The following PREX2 variants were observed in gnomAD, a reference collection of about 807,000 sequenced individuals.
PREX2 encodes phosphatidylinositol 3,4,5-trisphosphate-dependent Rac exchanger 2 protein.
PREX2 carries 107 observed loss-of-function variants against 203.2 expected under a neutral mutation model. That is an observed-to-expected ratio of 0.53 (90% CI 0.45 to 0.62). The LOEUF is 0.62. PREX2 is among the 20% of genes least tolerant of loss of function. The pLI, the probability that PREX2 is intolerant of heterozygous loss-of-function variation, is 0.00. For missense variants in PREX2, 1,777 were observed against 1,955.9 expected (o/e 0.91, Z 1.72); for synonymous variants, 672 against 663.6 (o/e 1.01, Z -0.19).
chr8:67,960,385 C>T lies in PREX2; in HGVS notation c.141+7850C>T, dbSNP rs1805603306. 2.0e-5 allele frequency among the ~76,000 whole-genome samples: 3 copies of T among 152,106 alleles called. No homozygotes were observed. The South Asian group carries it at 6.2e-4, about 32-fold the overall frequency. On this transcript the variant is annotated intron_variant, in intron 1 of 39. Transcript: ENST00000288368. ...CCCTCCATAAACTCCAAGCTTATCT[C>T]CCTCTCCTCTGTCTTGTCTATCCAC... is the stretch of plus-strand genomic sequence containing the variant.
At chr8:68,031,175 T>C (rs1166308338) in intron 6 of PREX2, among the ~76,000 whole-genome samples, 1 of 152,174 alleles carries the variant, frequency 6.6e-6, no homozygotes, top group African/African-American at 2.4e-5. Context: ...ACTAAGGAAA[T>C]TTTTTTATGC....
chr8:68,042,677 A>G (rs1356494948), intron 7 of PREX2, among the ~76,000 whole-genome samples: 1 of 152,102 alleles, frequency 6.6e-6, no homozygotes, highest in African/African-American at 2.4e-5. Context: ...AATACATTTA[A>G]ATTTGCAATA....
intron 1 of PREX2, among the ~76,000 whole-genome samples, chr8:68,002,383 C>A (rs1011682657): frequency 4.6e-5 from 7 of 152,042 alleles, no homozygotes; most frequent in African/African-American, 1.7e-4. Context: ...CTGACCTCAA[C>A]TGATACTCCT....
intron 38 of PREX2, chr8:68,220,490 C>G (rs182262181): frequency 1.3e-5 from 2 of 152,192 alleles, no homozygotes; most frequent in African/African-American, 4.8e-5. Context: ...GTACCCTGAC[C>G]CCTTACCTTC....
At chr8:67,953,854 T>C (rs1031186125) in intron 1 of PREX2, among the ~76,000 whole-genome samples, 15 of 152,176 alleles carry the variant, frequency 9.9e-5, no homozygotes, top group African/African-American at 3.4e-4. Flanking sequence ...GTAACAAAGA[T>C]TGTCAAAAAA....
chr8:68,114,695 A>G (rs1163851891), intron 25 of PREX2, among the ~76,000 whole-genome samples: 1 of 152,158 alleles, frequency 6.6e-6, no homozygotes, highest in Non-Finnish European at 1.5e-5. Flanking sequence ...CTGTGGGCAG[A>G]TTTGGGACAT....
At chr8:68,162,083 A>C (rs1027158803) in intron 35 of PREX2, among the ~76,000 whole-genome samples, 7 of 152,158 alleles carry the variant, frequency 4.6e-5, no homozygotes, top group African/African-American at 1.7e-4. Context: ...ACTCACCCCC[A>C]TAATTCAATT....
chr8:68,133,130 G>C (rs1811040629), intron 31 of PREX2, among the ~76,000 whole-genome samples: 1 of 152,152 alleles, frequency 6.6e-6, no homozygotes, highest in South Asian at 2.1e-4. Flanking sequence ...TGTCTTACAT[G>C]GCGGCAGGCA....
chr8:68,190,950 A>C (rs1812281128), intron 35 of PREX2, among the ~76,000 whole-genome samples: 1 of 152,128 alleles, frequency 6.6e-6, no homozygotes, highest in Non-Finnish European at 1.5e-5. Context: ...TAATTATTGC[A>C]GGCCACTAGG....
intron 35 of PREX2, 134 bp from the exon 36 acceptor site, chr8:68,191,588 C>G: frequency 1.6e-6 from 1 of 625,710 alleles, no homozygotes; most frequent in South Asian, 2.3e-5. Flanking sequence ...TTTGTGCAAC[C>G]CCAACCTTCT....
intron 37 of PREX2, among the ~76,000 whole-genome samples, chr8:68,217,401 A>T (rs10089475): frequency 0.2 from 29,762 of 152,172 alleles, 6,456 homozygotes; most frequent in African/African-American, 0.52. Context: ...TCATCATGGG[A>T]TTGTTTTAAA....
rs375327044 is a variant in PREX2, at chr8:68,119,470, A to G, written c.3460A>G (p.Lys1154Glu). The change falls in exon 28 of 40, where the codon AAA (lysine) becomes GAA (glutamate). Residue 1154 changes from lysine to glutamate, a missense_variant. Lys to Glu is a moderately conservative substitution (Grantham distance 56). Coordinates refer to ENST00000288368, the MANE Select transcript of PREX2 (RefSeq NM_024870.4). Reference sequence around the variant, plus strand: ...CTTAAGTGTTCGCATATCTCATGATAAACAGGACAAGATACATAGTTGCCT... The same window carrying G: ...CTTAAGTGTTCGCATATCTCATGATGAACAGGACAAGATACATAGTTGCCT... ...LPLSVRISHD[K>E]QDKIHSCLEH... 53 of 1,613,722 alleles carry G rather than the reference A, an allele frequency of 3.3e-5. No individual in the cohort carries two copies. The highest frequency in any genetic ancestry group is 4.5e-5 in the Non-Finnish European group (53 of 1,179,790).
At chr8:67,969,483 A>G (rs1805864111) in intron 1 of PREX2, among the ~76,000 whole-genome samples, 1 of 152,094 alleles carries the variant, frequency 6.6e-6, no homozygotes, top group African/African-American at 2.4e-5. Flanking sequence ...GGGATGGACC[A>G]TCCCATAATA....
At chr8:67,956,716 A>G (rs959154354) in intron 1 of PREX2, among the ~76,000 whole-genome samples, 2 of 152,224 alleles carry the variant, frequency 1.3e-5, no homozygotes, top group African/African-American at 4.8e-5. Flanking sequence ...AGGGAGTGCT[A>G]TTAATAATGA....
intron 3 of PREX2, among the ~76,000 whole-genome samples, chr8:68,021,500 A>G (rs530317097): frequency 1.3e-5 from 2 of 152,284 alleles, no homozygotes; most frequent in African/African-American, 4.8e-5. Context: ...CTTAAGCACA[A>G]CTGTCTAGAC....
chr8:67,962,989 T>G (rs1256537202), intron 1 of PREX2, among the ~76,000 whole-genome samples: 2 of 152,158 alleles, frequency 1.3e-5, no homozygotes, highest in Non-Finnish European at 2.9e-5. Context: ...TTGTACCACT[T>G]CATAATGAAA....
At chr8:67,979,471 A>C (rs900549236) in intron 1 of PREX2, among the ~76,000 whole-genome samples, 3 of 152,230 alleles carry the variant, frequency 2.0e-5, no homozygotes, top group Non-Finnish European at 4.4e-5. Flanking sequence ...TTTCAATCCC[A>C]GCACACTTAC....
At chr8:68,130,748 A>G (rs1315729270) in intron 31 of PREX2, among the ~76,000 whole-genome samples, 3 of 152,148 alleles carry the variant, frequency 2.0e-5, no homozygotes, top group Admixed American at 1.3e-4. Context: ...GCCTTGATGT[A>G]CTGATGGTTG....
Position 68,234,796 on chromosome 8 carries a change from C to A in PREX2, c.*3418C>A, listed in dbSNP as rs1813234466. 1 of 152,016 alleles carries A rather than the reference C, an allele frequency of 6.6e-6. No individual in the cohort carries two copies. Among genetic ancestry groups the A allele is most frequent in the African/African-American group, 2.4e-5 (1 of 41,386 alleles). 9.4% of individuals were successfully genotyped at this position (152,016 alleles called of 1,614,324 possible). On this transcript the variant is annotated 3_prime_UTR_variant, in exon 40 of 40. Coordinates refer to ENST00000288368, the MANE Select transcript of PREX2 (RefSeq NM_024870.4). ...ACTCTTCTTGCAGCAAATTTTAAATCAATTTAAAATTAGGTAAACTTTTTA... is the reference window on the plus strand; with the variant it reads ...ACTCTTCTTGCAGCAAATTTTAAATAAATTTAAAATTAGGTAAACTTTTTA...
Sources: allele counts gnomAD v4.1 joint callset (sites outside exome capture counted in the v4.1 genomes callset), GRCh38; gene constraint gnomAD v4.1.1; transcripts MANE v1.5; gene names NCBI Gene and HGNC (gene_info 2026-07-23, HGNC 2026-07-21).